ABR: variants seen among roughly 807,000 people sequenced by gnomAD.
ABR encodes ABR activator of RhoGEF and GTPase.
Under a neutral mutation model 107.2 loss-of-function variants are expected in ABR, and 35 were observed. The observed-to-expected ratio is 0.33, with a 90% CI of 0.25 to 0.43. The LOEUF (loss-of-function observed/expected upper bound fraction) is 0.43, where lower values mean the gene tolerates loss of function less well. ABR is among the 20% of genes least tolerant of loss of function. The pLI is 1.00. For missense variants in ABR, 815 were observed against 1,115.2 expected (o/e 0.73, Z 3.83); for synonymous variants, 498 against 462.0 (o/e 1.08, Z -1.00).
intron 1 of ABR, among the ~76,000 whole-genome samples, chr17:1,177,296 C>T (rs1472769981): frequency 6.6e-6 from 1 of 152,210 alleles, no homozygotes; most frequent in East Asian, 1.9e-4. Flanking sequence ...AAGCCTCCTG[C>T]TACAGCTCTC....
intron 1 of ABR, among the ~76,000 whole-genome samples, chr17:1,202,341 A>G (rs1467280365): frequency 6.6e-6 from 1 of 152,224 alleles, no homozygotes; most frequent in African/African-American, 2.4e-5. Flanking sequence ...GAACCTCTTT[A>G]TAACAGATGC....
chr17:1,009,011 C>T (rs1484531557), intron 21 of ABR, among the ~76,000 whole-genome samples: 3 of 152,326 alleles, frequency 2.0e-5, no homozygotes, highest in South Asian at 4.1e-4. Context: ...ACTCAGTTTC[C>T]CTATGTCTAG....
rs1451778897 is a variant in ABR, at chr17:1,150,280, C to T, written c.62-24913G>A. Among the ~76,000 whole-genome samples, 1 of 152,200 alleles carries T rather than the reference C, an allele frequency of 6.6e-6. No homozygotes were observed. Among genetic ancestry groups the T allele is most frequent in the Non-Finnish European group, 1.5e-5 (1 of 68,042 alleles). ...AACAGAGCACTTGGCCAAGCCAGCG[C>T]GATGTCTGCACTCAGATCTCCTCTC... On this transcript the variant is annotated intron_variant, in intron 1 of 22. Transcript: ENST00000302538. This position sits in a 1 kb window ranked among gnomAD's most constrained non-coding sequence, Gnocchi z 4.8.
At chr17:1,062,857 G>A (rs28728094) in intron 10 of ABR, among the ~76,000 whole-genome samples, 1 of 141,220 alleles carries the variant, frequency 7.1e-6, no homozygotes, top group East Asian at 2.1e-4. Context: ...TGAGGGCTAT[G>A]CATGTTCCTC....
At chr17:1,099,313 G>C (rs1181507619) in intron 3 of ABR, among the ~76,000 whole-genome samples, 3 of 152,058 alleles carry the variant, frequency 2.0e-5, no homozygotes, top group Non-Finnish European at 4.4e-5. Flanking sequence ...GTCCTCAAGT[G>C]ATCTGCCCAC....
At chr17:1,085,438 G>A (rs543271075) in intron 4 of ABR, among the ~76,000 whole-genome samples, 12 of 152,248 alleles carry the variant, frequency 7.9e-5, no homozygotes, top group African/African-American at 2.6e-4. Flanking sequence ...TAGACTACTC[G>A]GGGAAGTGTA....
intron 2 of ABR, chr17:1,109,157 G>GAGGAGGCGGGCGGGA: frequency 1.4e-6 from 2 of 1,422,766 alleles, no homozygotes; most frequent in Non-Finnish European, 9.4e-7. Flanking sequence ...GGGCGGGAGG[G>GAGGAGGCGGGCGGGA]GGGGCAGGTC....
At chr17:1,079,287 G>GAC (rs1335193539) in intron 6 of ABR, 43 bp downstream of exon 6, 2 of 1,601,374 alleles carry the variant, frequency 1.2e-6, no homozygotes, top group Non-Finnish European at 1.7e-6. Flanking sequence ...TGCACAGCCA[G>GAC]ACAAAGGTAG....
chr17:1,050,074 C>T lies in ABR; in HGVS notation c.1767G>A (p.Lys589=), dbSNP rs753507914. The T allele has an allele frequency of 6.2e-7, 1 of 1,614,156 alleles. No individual in the cohort carries two copies. Among genetic ancestry groups the T allele is most frequent in the Admixed American group, 1.7e-5 (1 of 60,020 alleles). The change falls in exon 16 of 23, where the codon AAG becomes AAA. Residue 589 remains lysine (K), a synonymous_variant. Coordinates refer to ENST00000302538, the MANE Select transcript of ABR (RefSeq NM_021962.5). This position sits in a 1 kb window ranked among gnomAD's most constrained non-coding sequence, Gnocchi z 4.6. The part of the protein sequence containing the change: ...VNKDNNEIVD[K]IMGKGQIQLD... Reference sequence around the variant, plus strand: ...CCTGGATCTGTCCTTTGCCCATGATCTTGTCCACGATCTCATTGTTGTCCT... The same window carrying T: ...CCTGGATCTGTCCTTTGCCCATGATTTTGTCCACGATCTCATTGTTGTCCT...
At position 1,039,248 on chromosome 17, in the gene ABR, G is replaced by A. The variant is rs544307980; in HGVS notation, c.1791+10802C>T. On this transcript the variant is annotated intron_variant, in intron 16 of 22. Coordinates refer to ENST00000302538, the MANE Select transcript of ABR (RefSeq NM_021962.5). ...GGGCGCCAAGCCTGCCTGCTGAGGC[G>A]GCACTTCCCAGGGGTGGAGGGGAGC... Among the ~76,000 whole-genome samples, 552 of 152,132 alleles carry A rather than the reference G, an allele frequency of 3.6e-3. 2 individuals carry two copies. The highest frequency in any genetic ancestry group is 0.011 in the Admixed American group (166 of 15,272).
intron 7 of ABR, 116 bp from the exon 8 acceptor site, chr17:1,072,870 C>A: frequency 7.5e-7 from 1 of 1,336,928 alleles, no homozygotes; most frequent in East Asian, 2.8e-5. Context: ...GCCTAATTCC[C>A]GCAAAATCTG....
At chr17:1,180,164 C>T (rs1429074772), upstream of ABR, among the ~76,000 whole-genome samples, 1 of 151,680 alleles carries the variant, frequency 6.6e-6, no homozygotes, top group African/African-American at 2.4e-5. Flanking sequence ...CGAGGAGGGG[C>T]CGCGGGGGTC....
intron 5 of ABR, among the ~76,000 whole-genome samples, chr17:1,079,680 T>C (rs2036053903): frequency 6.6e-6 from 1 of 150,782 alleles, no homozygotes; most frequent in African/African-American, 2.4e-5. Context: ...TCCCAGCTAC[T>C]TGGGAGGCTG....
chr17:1,165,047 T>G (rs1449765775), intron 1 of ABR, among the ~76,000 whole-genome samples: 3 of 152,236 alleles, frequency 2.0e-5, no homozygotes, highest in Non-Finnish European at 4.4e-5. Flanking sequence ...TTCAGTGTGG[T>G]TGGTAAGATT....
chr17:1,056,848 A>T, intron 13 of ABR, 150 bp downstream of exon 13: 1 of 572,480 alleles, frequency 1.7e-6, no homozygotes, highest in Non-Finnish European at 3.2e-6. Context: ...CCCCTACCCA[A>T]GCTGTGTCCT....
rs2072330773 is a variant in ABR, at chr17:1,027,791, C to T, written c.1792-14627G>A. ...AAGACGCACGATGAAGCTTTCTTCC[C>T]ACCGGGAAACAAGGAAGGGCGGTGG... On this transcript the variant is annotated intron_variant, in intron 16 of 22. Transcript: ENST00000302538. The surrounding 1 kb of genome is among the most constrained non-coding windows in gnomAD (Gnocchi z 4.7). Among the ~76,000 whole-genome samples, 1 of 152,066 alleles carries T rather than the reference C, an allele frequency of 6.6e-6. No homozygotes were observed. The highest frequency in any genetic ancestry group is 2.1e-4 in the South Asian group (1 of 4,786).
At chr17:1,168,204 G>A (rs577083337) in intron 1 of ABR, among the ~76,000 whole-genome samples, 2 of 152,282 alleles carry the variant, frequency 1.3e-5, no homozygotes, top group African/African-American at 4.8e-5. Flanking sequence ...GAGAATCACT[G>A]GAACCCGGGA....
At chr17:1,115,617 T>C (rs71357156) in intron 2 of ABR, among the ~76,000 whole-genome samples, 16,573 of 152,320 alleles carry the variant, frequency 0.11, 1,023 homozygotes, top group Middle Eastern at 0.16. Context: ...ATCATATACA[T>C]AGTTCAACTA....
chr17:1,088,103 C>A (rs2036750067), intron 4 of ABR, among the ~76,000 whole-genome samples: 2 of 152,268 alleles, frequency 1.3e-5, no homozygotes, highest in South Asian at 4.2e-4. Flanking sequence ...CGGGCCCTCC[C>A]AAATCTGCAG....
Sources: allele counts gnomAD v4.1 joint callset (sites outside exome capture counted in the v4.1 genomes callset), GRCh38; gene constraint gnomAD v4.1.1; non-coding constraint Gnocchi (gnomAD v3.1); transcripts MANE v1.5; gene names NCBI Gene and HGNC (gene_info 2026-07-23, HGNC 2026-07-21).